SUMO2: variants seen among roughly 807,000 people sequenced by gnomAD.
SUMO2 encodes the protein small ubiquitin like modifier 2.
SUMO2 carries 1 observed loss-of-function variant against 16.0 expected under a neutral mutation model. That is an observed-to-expected ratio of 0.06 (90% CI 0.02 to 0.30). The LOEUF (loss-of-function observed/expected upper bound fraction) is 0.30, where lower values mean the gene tolerates loss of function less well. Among genes scored for constraint, SUMO2 ranks in the 10% least tolerant of loss-of-function variants. The pLI is 1.00. For synonymous variants in SUMO2, 36 were observed against 40.6 expected (o/e 0.89, Z 0.43); for missense variants, 16 against 117.5 (o/e 0.14, Z 3.99).
In SUMO2 at chr17:75,166,720, T is replaced by A. The variant is rs1225648343; in HGVS notation, c.*1619A>T. The A allele has an allele frequency of 6.6e-6, 1 of 151,844 alleles. No individual in the cohort carries two copies. The highest frequency in any genetic ancestry group is 2.4e-5 in the African/African-American group (1 of 41,228). 9.4% of individuals were successfully genotyped at this position (151,844 alleles called of 1,614,324 possible). ...ATCTCTTAAGACCTGGAGGTGGAGG[T>A]TGCAGTGAGCCAAGATCACACCATT... On this transcript the variant is annotated 3_prime_UTR_variant, in exon 4 of 4. Transcript: ENST00000420826.
At chr17:75,182,579 G>C (rs2074837926) in intron 1 of SUMO2, 2 of 300,674 alleles carry the variant, frequency 6.7e-6, no homozygotes, top group Non-Finnish European at 1.2e-5. Context: ...ACTCGCGCCC[G>C]GCGCGCACTC....
rs566106618 is a variant in SUMO2, at chr17:75,172,487, ATT to A, written c.225+2263_225+2264del. On this transcript the variant is annotated intron_variant, in intron 3 of 3. Transcript: ENST00000420826. ...GGCGTGCACCATCATGCCTGGCTAAATTTTTTTTTTTTTTTTTTGAGTTTCGC... is the reference window on the plus strand; with the variant it reads ...GGCGTGCACCATCATGCCTGGCTAAATTTTTTTTTTTTTTTTGAGTTTCGC... Among the ~76,000 whole-genome samples, 411 of 129,040 alleles carry A rather than the reference ATT, an allele frequency of 3.2e-3. 3 individuals are homozygous for A. The highest frequency in any genetic ancestry group is 0.01 in the African/African-American group (353 of 34,908). 84.7% of individuals were successfully genotyped at this position (129,040 alleles called of 152,430 possible). A position where few individuals can be genotyped will look rare whatever the true frequency, so the allele number is the denominator to read the frequency against.
chr17:75,178,201 T>G (rs1598227051), intron 2 of SUMO2, among the ~76,000 whole-genome samples: 1 of 147,860 alleles, frequency 6.8e-6, no homozygotes, highest in South Asian at 2.1e-4. Flanking sequence ...TGCAGAAAAG[T>G]TAAATAAGAT....
chr17:75,173,917 TAA>T (rs1389196237), intron 3 of SUMO2, among the ~76,000 whole-genome samples: 1 of 152,136 alleles, frequency 6.6e-6, no homozygotes, highest in African/African-American at 2.4e-5. Flanking sequence ...AAGTGGTACA[TAA>T]AGAGTTAAAG....
In SUMO2 at chr17:75,174,810, C is replaced by T; in HGVS notation, c.167G>A (p.Arg56Lys). ...CCCGTCAAATCGGAATCTGATCTGC[C>T]TCATTGACAATCCCTGAACGAGAAT... ...AYCERQGLSM[R>K]QIRFRFDGQP... Residue 56 changes from arginine to lysine, a missense_variant, in exon 3 of 4, where the codon AGG becomes AAG. By Grantham distance (26) the Arg-to-Lys change is conservative. Transcript: ENST00000420826. 6.2e-7 allele frequency: 1 copy of T among 1,613,830 alleles called. No homozygotes were observed. Among genetic ancestry groups the T allele is most frequent in the Non-Finnish European group, 8.5e-7 (1 of 1,179,892 alleles).
intron 2 of SUMO2, among the ~76,000 whole-genome samples, chr17:75,178,311 C>T (rs1232891443): frequency 6.6e-6 from 1 of 151,762 alleles, no homozygotes; most frequent in Non-Finnish European, 1.5e-5. Context: ...GTCAAGAGAT[C>T]GAGATCATCC....
At chr17:75,176,652 G>A (rs1024326241) in intron 2 of SUMO2, among the ~76,000 whole-genome samples, 1 of 151,730 alleles carries the variant, frequency 6.6e-6, no homozygotes, top group Non-Finnish European at 1.5e-5. Flanking sequence ...GACCTAAAAT[G>A]CCCCAACCTA....
intron 3 of SUMO2, among the ~76,000 whole-genome samples, chr17:75,173,492 TGA>T (rs56335300): frequency 1.3e-5 from 2 of 151,726 alleles, no homozygotes; most frequent in East Asian, 1.9e-4. Context: ...TTTTTTTTTT[TGA>T]GAGAGGGCCT....
chr17:75,170,087 G>T (rs1362719809), intron 3 of SUMO2, among the ~76,000 whole-genome samples: 1 of 152,018 alleles, frequency 6.6e-6, no homozygotes, highest in Admixed American at 6.6e-5. Context: ...TGAGGCAGGA[G>T]AATCACTTGA....
chr17:75,179,053 A>G (rs932279907), intron 2 of SUMO2, among the ~76,000 whole-genome samples: 6 of 152,170 alleles, frequency 3.9e-5, no homozygotes, highest in Non-Finnish European at 8.8e-5. Flanking sequence ...CGCCCAGCCT[A>G]TGATTTTCTA....
intron 3 of SUMO2, among the ~76,000 whole-genome samples, chr17:75,171,554 C>T (rs2074738894): frequency 6.6e-6 from 1 of 151,754 alleles, no homozygotes; most frequent in Non-Finnish European, 1.5e-5. Flanking sequence ...AGGCAGGAGG[C>T]CTGCTAAGAT....
At chr17:75,175,182 C>A (rs938337760) in intron 2 of SUMO2, among the ~76,000 whole-genome samples, 1 of 152,108 alleles carries the variant, frequency 6.6e-6, no homozygotes, top group Non-Finnish European at 1.5e-5. Flanking sequence ...TGGGTTTCAT[C>A]AGGTTGGCCA....
intron 3 of SUMO2, among the ~76,000 whole-genome samples, chr17:75,170,088 A>T (rs905641586): frequency 1.3e-5 from 2 of 151,752 alleles, no homozygotes; most frequent in African/African-American, 4.8e-5. Context: ...GAGGCAGGAG[A>T]ATCACTTGAA....
intron 2 of SUMO2, among the ~76,000 whole-genome samples, chr17:75,177,375 GAAATT>G (rs1221672340): frequency 6.6e-6 from 1 of 151,142 alleles, no homozygotes; most frequent in Admixed American, 6.6e-5. Context: ...CAAAAAAAAA[GAAATT>G]AAAAAATTTG....
rs931617737 is a variant in SUMO2, at chr17:75,171,111, T to C, written c.226-2710A>G. 2.6e-5 allele frequency among the ~76,000 whole-genome samples: 4 copies of C among 151,488 alleles called. 1 individual carries two copies. Among genetic ancestry groups the C allele is most frequent in the Admixed American group, 2.6e-4 (4 of 15,194 alleles). ...ACACCCCAAGGAGCAAAGCAGCTTA[T>C]TGTATGACTACATTTGTGTTTTTCT... On this transcript the variant is annotated intron_variant, in intron 3 of 3. Transcript: ENST00000420826.
At chr17:75,173,379 T>TA (rs1039681528) in intron 3 of SUMO2, among the ~76,000 whole-genome samples, 2 of 151,980 alleles carry the variant, frequency 1.3e-5, no homozygotes, top group African/African-American at 4.8e-5. Context: ...AGACTGGTCT[T>TA]AAACTCCTGG....
In SUMO2 at chr17:75,182,912, A is replaced by G. The variant is rs552594008; in HGVS notation, c.-78T>C. 2 of 1,219,670 alleles carry G rather than the reference A, an allele frequency of 1.6e-6. No individual in the cohort carries two copies. The highest frequency in any genetic ancestry group is 2.1e-6 in the Non-Finnish European group (2 of 952,712). The allele number at this position is 1,219,670 out of a possible 1,614,324, so 75.6% of individuals were successfully genotyped here. A position where few individuals can be genotyped will look rare whatever the true frequency, so the allele number is the denominator to read the frequency against. On this transcript the variant is annotated 5_prime_UTR_variant, in exon 1 of 4. Coordinates refer to ENST00000420826, the MANE Select transcript of SUMO2 (RefSeq NM_006937.4). ...CGCACCAAACGAGCACACAAGCAGCACCAGGAGCGGCAGAAGAAGGAGGCG... is the reference window on the plus strand; with the variant it reads ...CGCACCAAACGAGCACACAAGCAGCGCCAGGAGCGGCAGAAGAAGGAGGCG...
intron 3 of SUMO2, among the ~76,000 whole-genome samples, chr17:75,170,140 G>A (rs572446568): frequency 6.6e-6 from 1 of 152,058 alleles, no homozygotes; most frequent in Admixed American, 6.6e-5. Context: ...TCATGCCATT[G>A]CATGTGACAA....
chr17:75,178,088 G>A (rs1037980876), intron 2 of SUMO2, among the ~76,000 whole-genome samples: 5 of 151,618 alleles, frequency 3.3e-5, no homozygotes, highest in African/African-American at 2.4e-5. Context: ...AGCCTGGGAG[G>A]CAGAGGATGC....
Sources: gnomAD v4.1 joint callset for allele counts (sites outside exome capture counted in the v4.1 genomes callset) on GRCh38, gnomAD v4.1.1 for gene constraint, MANE v1.5 for transcripts, NCBI Gene and HGNC (gene_info 2026-07-23, HGNC 2026-07-21) for gene names.